Variants in CPEB2 observed in about 807,000 individuals in gnomAD.
CPEB2 encodes cytoplasmic polyadenylation element binding protein 2.
CPEB2 carries 56 observed loss-of-function variants against 93.6 expected under a neutral mutation model. That is an observed-to-expected ratio of 0.60 (90% confidence interval 0.48 to 0.75). The LOEUF is 0.75. Ranked by LOEUF, CPEB2 falls within the 30% of genes least tolerant of loss-of-function variation. CPEB2 has a pLI of 0.00. For synonymous variants in CPEB2, 764 were observed against 586.3 expected (o/e 1.30, Z -4.38); for missense variants, 1,579 against 1,395.1 (o/e 1.13, Z -2.10).
chr4:15,057,816 T>TC (rs1481753927), intron 8 of CPEB2, among the ~76,000 whole-genome samples: 2 of 152,186 alleles, frequency 1.3e-5, no homozygotes, highest in African/African-American at 2.4e-5. Flanking sequence ...ATTCCAGCCT[T>TC]CCTACTGTAG....
At chr4:15,019,693 T>C (rs747537861) in intron 4 of CPEB2, among the ~76,000 whole-genome samples, 1 of 152,140 alleles carries the variant, frequency 6.6e-6, no homozygotes, top group Non-Finnish European at 1.5e-5. Flanking sequence ...GCCATTTGTT[T>C]TGTTTTTGTT....
chr4:15,032,073 A>T (rs115514280), intron 4 of CPEB2, among the ~76,000 whole-genome samples: 4,144 of 152,312 alleles, frequency 0.027, 89 homozygotes, highest in South Asian at 0.14. Context: ...TAATTTTTAG[A>T]CATTTTTCAA....
In CPEB2 at chr4:15,003,637, C is replaced by A; in HGVS notation, c.964C>A (p.Leu322Ile). 6.7e-7 allele frequency: 1 copy of A among 1,482,076 alleles called. No individual in the cohort carries two copies. The highest frequency in any genetic ancestry group is 2.2e-5 in the Admixed American group (1 of 44,448). 91.8% of individuals were successfully genotyped at this position (1,482,076 alleles called of 1,614,324 possible). ...CATGGAGTCCCCCAACCACCCTCTGCTCAACAGTCCCAGTAACCTCCTGCC... is the reference window on the plus strand; with the variant it reads ...CATGGAGTCCCCCAACCACCCTCTGATCAACAGTCCCAGTAACCTCCTGCC... ...GSMESPNHPL[L>I]NSPSNLLPGG... Residue 322 changes from leucine (L) to isoleucine (I), a missense_variant, in exon 1 of 12, where the codon CTC (leucine) becomes ATC (isoleucine). This residue lies in a region of CPEB2 where 1,411 missense variants were observed against 1,056.0 expected (regional missense o/e 1.34). Transcript: ENST00000538197.
intron 11 of CPEB2, 70 bp from the exon 12 acceptor site, chr4:15,066,083 A>G (rs1729682513): frequency 1.5e-6 from 2 of 1,339,434 alleles, no homozygotes; most frequent in African/African-American, 1.5e-5. Flanking sequence ...GCTGTAGAAC[A>G]TTTTAAGTTA....
chr4:15,003,712 C>T lies in CPEB2; in HGVS notation c.1039C>T (p.Leu347Phe), dbSNP rs772280193. The part of the protein sequence containing the change: ...GAFSSLQSPD[L>F]PHPGGGGGGG... ...CTTCAGCAGCCTGCAGAGCCCGGAC[C>T]TTCCACACCCGGGCGGCGGCGGCGG... Residue 347 changes from leucine to phenylalanine, a missense_variant, in exon 1 of 12, where the codon CTT becomes TTT. Physicochemically the swap from Leu to Phe is conservative, Grantham distance 22. Around this residue, in one of 2 missense-constraint regions of CPEB2, gnomAD observed 1,411 missense variants for 1,056.0 expected, o/e 1.34. Coordinates refer to ENST00000538197, the MANE Select transcript of CPEB2 (RefSeq NM_001177382.2). The T allele has an allele frequency of 7.5e-7, 1 of 1,337,948 alleles. No individual in the cohort carries two copies. Among genetic ancestry groups the T allele is most frequent in the South Asian group, 2.1e-5 (1 of 48,014 alleles). The allele number at this position is 1,337,948 out of a possible 1,614,324, so 82.9% of individuals were successfully genotyped here. A position where few individuals can be genotyped will look rare whatever the true frequency, so the allele number is the denominator to read the frequency against.
chr4:15,062,744 G>A (rs1729316743), intron 11 of CPEB2, among the ~76,000 whole-genome samples: 1 of 151,984 alleles, frequency 6.6e-6, no homozygotes, highest in Non-Finnish European at 1.5e-5. Flanking sequence ...TTAAATGTTT[G>A]TTTTCATTTG....
chr4:15,005,712 TTATC>T lies in CPEB2; in HGVS notation c.1662+1380_1662+1383del, dbSNP rs1303996071. Among the ~76,000 whole-genome samples, 13 of 152,346 alleles carry T rather than the reference TTATC, an allele frequency of 8.5e-5. No individual in the cohort carries two copies. In the East Asian group the frequency reaches 1.5e-3, roughly 18 times the overall value. ...ATTAACCCAAGTGAAAGTTAACAGT[TTATC>T]TAAGTTAACCAAAGTGACAGTGAAC... On this transcript the variant is annotated intron_variant, in intron 1 of 11. Transcript: ENST00000538197.
In CPEB2 at chr4:15,066,155, G is replaced by A; in HGVS notation, c.2880G>A (p.Val960=). 6.2e-7 allele frequency: 1 copy of A among 1,608,616 alleles called. No individual in the cohort carries two copies. Among genetic ancestry groups the A allele is most frequent in the Non-Finnish European group, 8.5e-7 (1 of 1,176,446 alleles). The part of the protein sequence containing the change: ...QLQHGDIDKR[V]EVKPYVLDDQ... ...ACTTAACTTTCTTTTTTTTCAAGGT[G>A]GAGGTAAAGCCATATGTGCTAGATG... is the stretch of plus-strand genomic sequence containing the variant. The change falls in exon 12 of 12, where the codon GTG becomes GTA. Residue 960 remains valine (V), a splice_region_variant and synonymous_variant. Coordinates refer to ENST00000538197, the MANE Select transcript of CPEB2 (RefSeq NM_001177382.2).
At position 15,062,055 on chromosome 4, in the gene CPEB2, T is replaced by C. The variant is rs189101080; in HGVS notation, c.2696-24T>C. On this transcript the variant is annotated intron_variant, in intron 10 of 11. Coordinates refer to ENST00000538197, the MANE Select transcript of CPEB2 (RefSeq NM_001177382.2). ...GATTACTGTGTTCTCTCACATTTGA[T>C]GTAAACTTCTTTTCCTTTTCAAGTG... The C allele has an allele frequency of 1.4e-5, 22 of 1,568,654 alleles. No individual in the cohort carries two copies. The East Asian group carries it at 4.1e-4, about 29-fold the overall frequency.
At chr4:15,058,727 CT>C (rs959466471) in intron 9 of CPEB2, among the ~76,000 whole-genome samples, 188 bp downstream of exon 9, 3 of 152,194 alleles carry the variant, frequency 2.0e-5, no homozygotes, top group Non-Finnish European at 4.4e-5. Flanking sequence ...GGTCCATGAT[CT>C]TTTAGGAACC....
At chr4:15,004,381 TGGGCGGGGGACGG>T (rs1722493743) in intron 1 of CPEB2, 46 bp downstream of exon 1, 1 of 1,317,232 alleles carries the variant, frequency 7.6e-7, no homozygotes, top group Non-Finnish European at 9.9e-7. Flanking sequence ...CGGGAGACCA[TGGGCGGGGGACGG>T]AGGCGGGGGC....
Position 15,067,520 on chromosome 4 carries a change from A to C in CPEB2, c.*1140A>C, listed in dbSNP as rs1464939961. ...AAGAAAGTTGGTTTTAGCCCCTTTG[A>C]TAGTCCATGGTTAAGACATCCTTTA... On this transcript the variant is annotated 3_prime_UTR_variant, in exon 12 of 12. Coordinates refer to ENST00000538197, the MANE Select transcript of CPEB2 (RefSeq NM_001177382.2). The C allele has an allele frequency of 6.6e-6, 1 of 152,490 alleles. No individual in the cohort carries two copies. Among genetic ancestry groups the C allele is most frequent in the Non-Finnish European group, 1.5e-5 (1 of 67,980 alleles). The allele number at this position is 152,490 out of a possible 1,614,324, so 9.4% of individuals were successfully genotyped here.
chr4:15,005,790 T>C (rs1291974920), intron 1 of CPEB2, among the ~76,000 whole-genome samples: 1 of 152,258 alleles, frequency 6.6e-6, no homozygotes, highest in Non-Finnish European at 1.5e-5. Context: ...GAATGTGGCC[T>C]ATGAGGATTG....
intron 11 of CPEB2, among the ~76,000 whole-genome samples, chr4:15,064,593 T>G (rs778538236): frequency 2.6e-5 from 4 of 151,898 alleles, no homozygotes; most frequent in Non-Finnish European, 5.9e-5. Context: ...AAAAAAGAAA[T>G]AACCATGAGA....
intron 5 of CPEB2, among the ~76,000 whole-genome samples, chr4:15,038,536 T>C (rs901960768): frequency 5.3e-5 from 8 of 151,904 alleles, no homozygotes; most frequent in African/African-American, 1.9e-4. Flanking sequence ...TTGGGGACTG[T>C]TGACCATTTC....
chr4:15,009,375 C>T (rs1047757324), intron 3 of CPEB2, among the ~76,000 whole-genome samples: 6 of 152,174 alleles, frequency 3.9e-5, no homozygotes, highest in African/African-American at 1.4e-4. Context: ...TTGTTTTAGC[C>T]AAGTCCTGCC....
chr4:15,011,874 T>G (rs187026451), intron 3 of CPEB2, among the ~76,000 whole-genome samples: 16 of 152,298 alleles, frequency 1.1e-4, no homozygotes, highest in Admixed American at 3.3e-4. Flanking sequence ...CAACTCTCAA[T>G]TTTTGCTCTT....
intron 6 of CPEB2, among the ~76,000 whole-genome samples, chr4:15,048,879 C>T (rs1458154498): frequency 1.3e-5 from 2 of 151,886 alleles, no homozygotes; most frequent in Non-Finnish European, 2.9e-5. Context: ...TAATGGTTCT[C>T]CTTTTATTGT....
intron 6 of CPEB2, among the ~76,000 whole-genome samples, chr4:15,041,172 T>C (rs1727151651): frequency 6.6e-6 from 1 of 152,178 alleles, no homozygotes; most frequent in Admixed American, 6.5e-5. Context: ...AAGTAGCTGA[T>C]GTTTTCTGTG....
Sources: allele counts gnomAD v4.1 joint callset (sites outside exome capture counted in the v4.1 genomes callset), GRCh38; gene constraint gnomAD v4.1.1; regional missense constraint gnomAD v4.1.1; transcripts MANE v1.5; gene names NCBI Gene and HGNC (gene_info 2026-07-23, HGNC 2026-07-21).